Variants in TMPRSS2 observed in about 807,000 individuals in gnomAD.
TMPRSS2 encodes transmembrane serine protease 2, also known as transmembrane protease serine 2.
Under a neutral mutation model 67.4 loss-of-function variants are expected in TMPRSS2, and 59 were observed. The ratio of observed to expected loss-of-function variants is 0.88; its 90% CI spans 0.71 to 1.09. The LOEUF is 1.09. Ranked by LOEUF, TMPRSS2 falls within the 50% of genes least tolerant of loss-of-function variation. TMPRSS2 has a pLI of 0.00. For missense variants in TMPRSS2, 668 were observed against 642.7 expected (o/e 1.04, Z -0.43); for synonymous variants, 257 against 257.0 (o/e 1.00, Z 0.00).
chr21:41,467,690 C>T (rs1429823013), intron 13 of TMPRSS2, 44 bp downstream of exon 13: 3 of 1,603,198 alleles, frequency 1.9e-6, no homozygotes, highest in South Asian at 1.1e-5. Flanking sequence ...GGCTTTGGCT[C>T]GAGGAATCGG....
At position 41,502,177 on chromosome 21, in the gene TMPRSS2, G is replaced by A. The variant is rs377403765; in HGVS notation, c.-56-3988C>T. ...AGGACGATGCTGTGGCATCGTATCCGCATCCCATGACATGATGAAGTTACT... is the reference window on the plus strand; with the variant it reads ...AGGACGATGCTGTGGCATCGTATCCACATCCCATGACATGATGAAGTTACT... On this transcript the variant is annotated intron_variant, in intron 1 of 13. Transcript: ENST00000332149. Among the ~76,000 whole-genome samples the A allele has an allele frequency of 8.5e-4, 129 of 152,330 alleles. 1 individual carries two copies. Among genetic ancestry groups the A allele is most frequent in the African/African-American group, 3.0e-3 (124 of 41,578 alleles).
chr21:41,507,668 A>G (rs1257379642), intron 1 of TMPRSS2, among the ~76,000 whole-genome samples: 1 of 152,206 alleles, frequency 6.6e-6, no homozygotes, highest in Non-Finnish European at 1.5e-5. Flanking sequence ...CAGCACTCCC[A>G]GTCCTCCTCC....
At chr21:41,489,645 T>C (rs1272171696) in intron 3 of TMPRSS2, 52 bp from the exon 4 acceptor site, 4 of 1,210,658 alleles carry the variant, frequency 3.3e-6, no homozygotes, top group East Asian at 2.3e-5. Context: ...TTAGAAGTCA[T>C]GCTCTCAAAT....
chr21:41,486,758 T>C (rs1362328029), intron 5 of TMPRSS2: 1 of 151,914 alleles, frequency 6.6e-6, no homozygotes, highest in Admixed American at 6.6e-5. Flanking sequence ...CCTGTTCGAG[T>C]CACTAACTAC....
chr21:41,477,457 C>T (rs1258420531), intron 7 of TMPRSS2, among the ~76,000 whole-genome samples: 1 of 152,150 alleles, frequency 6.6e-6, no homozygotes, highest in Non-Finnish European at 1.5e-5. Flanking sequence ...TCATTCCAAC[C>T]TCCTCCTAGA....
chr21:41,497,227 A>C (rs987992817), intron 2 of TMPRSS2, among the ~76,000 whole-genome samples: 4 of 152,200 alleles, frequency 2.6e-5, no homozygotes, highest in Admixed American at 1.3e-4. Flanking sequence ...CATAGCTCTT[A>C]GAACTTTAAA....
chr21:41,470,820 T>G (rs1255249219), intron 10 of TMPRSS2, 77 bp from the exon 11 acceptor site: 5 of 1,246,306 alleles, frequency 4.0e-6, no homozygotes, highest in Non-Finnish European at 3.4e-6. Flanking sequence ...ACATGCAGGC[T>G]GCTGGGCCTG....
chr21:41,503,472 A>T (rs2146508824), intron 1 of TMPRSS2, among the ~76,000 whole-genome samples: 1 of 152,320 alleles, frequency 6.6e-6, no homozygotes, highest in East Asian at 1.9e-4. Flanking sequence ...CATGGTGAGC[A>T]CTCAATAATA....
Position 41,471,997 on chromosome 21 carries a change from G to T in TMPRSS2, c.900-16C>A. 4.4e-6 allele frequency: 7 copies of T among 1,580,468 alleles called. No homozygotes were observed. Among genetic ancestry groups the T allele is most frequent in the East Asian group, 2.3e-5 (1 of 44,234 alleles). On this transcript the variant is annotated splice_polypyrimidine_tract_variant and intron_variant, in intron 9 of 13. Coordinates refer to ENST00000332149, the MANE Select transcript of TMPRSS2 (RefSeq NM_005656.4). The stretch of plus-strand genomic sequence containing the variant: ...GTTAAGAGGTCTGGGAGAGAAGAAG[G>T]ACTCAGTATCTCAGAGCCATAAACA...
intron 7 of TMPRSS2, among the ~76,000 whole-genome samples, chr21:41,477,255 G>A (rs949565160): frequency 3.3e-5 from 5 of 152,156 alleles, no homozygotes; most frequent in Non-Finnish European, 7.4e-5. Flanking sequence ...TTCACTGAGC[G>A]TCAATATCGG....
rs1184349330 is a variant in TMPRSS2 at position 41,494,930 on chromosome 21, A to G, written c.16-352T>C. On this transcript the variant is annotated intron_variant, in intron 2 of 13. Transcript: ENST00000332149. The stretch of plus-strand genomic sequence containing the variant: ...CTAAAAATACAAAAATTAGCTGGGT[A>G]TGATGGTGGGCGCCTATAATCCCAG... Among the ~76,000 whole-genome samples the G allele has an allele frequency of 5.9e-5, 9 of 151,990 alleles. No individual in the cohort carries two copies. In the East Asian group the frequency reaches 1.7e-3, roughly 29 times the overall value.
At chr21:41,493,894 G>A (rs1420044049) in intron 3 of TMPRSS2, among the ~76,000 whole-genome samples, 1 of 152,198 alleles carries the variant, frequency 6.6e-6, no homozygotes, top group Non-Finnish European at 1.5e-5. Flanking sequence ...TGTGACAACC[G>A]CACCAGCCAG....
chr21:41,481,898 C>A (rs555600211), intron 5 of TMPRSS2, among the ~76,000 whole-genome samples: 60 of 152,078 alleles, frequency 3.9e-4, no homozygotes, highest in Non-Finnish European at 6.9e-4. Context: ...CCGATCTCTA[C>A]TAAAATGCAA....
intron 2 of TMPRSS2, among the ~76,000 whole-genome samples, chr21:41,497,556 G>A (rs1222986876): frequency 6.6e-6 from 1 of 152,138 alleles, no homozygotes; most frequent in South Asian, 2.1e-4. Flanking sequence ...GGAAAACAAG[G>A]TCTATTTTCC....
intron 1 of TMPRSS2, among the ~76,000 whole-genome samples, chr21:41,502,161 C>G (rs1022367760): frequency 1.3e-5 from 2 of 152,222 alleles, no homozygotes; most frequent in Non-Finnish European, 1.5e-5. Context: ...CAGGACGATG[C>G]TGTGGCATCG....
At chr21:41,508,006 G>C in intron 1 of TMPRSS2, 75 bp downstream of exon 1, 1 of 1,369,794 alleles carries the variant, frequency 7.3e-7, no homozygotes, top group Non-Finnish European at 9.4e-7. Context: ...AGGGGGCATC[G>C]GCGGGTCCCA....
intron 7 of TMPRSS2, among the ~76,000 whole-genome samples, chr21:41,477,492 A>T (rs983929147): frequency 1.3e-5 from 2 of 152,194 alleles, no homozygotes; most frequent in Non-Finnish European, 2.9e-5. Flanking sequence ...GCAGCCTCAC[A>T]GAATTACCCC....
At chr21:41,494,871 C>T (rs1193682835) in intron 2 of TMPRSS2, among the ~76,000 whole-genome samples, 2 of 151,660 alleles carry the variant, frequency 1.3e-5, no homozygotes, top group African/African-American at 4.9e-5. Flanking sequence ...GAGATCGAGA[C>T]CATCGTGGCC....
At chr21:41,507,512 G>A (rs1182160866) in intron 1 of TMPRSS2, among the ~76,000 whole-genome samples, 1 of 152,150 alleles carries the variant, frequency 6.6e-6, no homozygotes, top group East Asian at 1.9e-4. Flanking sequence ...CTGGCCCAGC[G>A]GTCCCCGCCG....
Sources: allele counts gnomAD v4.1 joint callset (sites outside exome capture counted in the v4.1 genomes callset), GRCh38; gene constraint gnomAD v4.1.1; transcripts MANE v1.5; gene names NCBI Gene and HGNC (gene_info 2026-07-23, HGNC 2026-07-21).